Variants in KCNMB2 observed in about 807,000 individuals in gnomAD.
KCNMB2 encodes potassium calcium-activated channel subfamily M regulatory beta subunit 2.
Under a neutral mutation model 24.5 loss-of-function variants are expected in KCNMB2, and 9 were observed. That is an observed-to-expected ratio of 0.37 (90% confidence interval 0.22 to 0.64). The LOEUF is 0.64. Among genes scored for constraint, KCNMB2 ranks in the 30% least tolerant of loss-of-function variants. The probability of loss-of-function intolerance (pLI) is 0.63; values close to 1 mark genes in which losing one functional copy is unlikely to be tolerated. For missense variants in KCNMB2, 226 were observed against 284.3 expected, an observed-to-expected ratio of 0.79 and a Z score of 1.47; for synonymous variants, 109 against 104.4, an observed-to-expected ratio of 1.04 and a Z score of -0.27.
chr3:178,817,207 T>G (rs897770161), intron 2 of KCNMB2, among the ~76,000 whole-genome samples: 2 of 102,554 alleles, frequency 2.0e-5, no homozygotes, highest in Non-Finnish European at 3.8e-5. Flanking sequence ...AAATCCTTCA[T>G]GTTAATGACA....
At chr3:178,590,015 A>C (rs1577032361) in intron 1 of KCNMB2, among the ~76,000 whole-genome samples, 1 of 152,200 alleles carries the variant, frequency 6.6e-6, no homozygotes, top group Non-Finnish European at 1.5e-5. Context: ...ATCAAGTCAG[A>C]TCTATATCCA....
At chr3:178,587,786 G>T (rs1024881676) in intron 1 of KCNMB2, among the ~76,000 whole-genome samples, 3 of 150,528 alleles carry the variant, frequency 2.0e-5, no homozygotes, top group African/African-American at 7.3e-5. Context: ...TGTGCACAAC[G>T]TGCAGGTTTG....
chr3:178,544,579 C>A (rs563271233), intron 1 of KCNMB2, among the ~76,000 whole-genome samples: 1 of 152,252 alleles, frequency 6.6e-6, no homozygotes, highest in East Asian at 1.9e-4. Context: ...AGAGAAGATA[C>A]TTATAATACT....
At chr3:178,703,517 A>C (rs1008759032) in intron 1 of KCNMB2, among the ~76,000 whole-genome samples, 9 of 70,332 alleles carry the variant, frequency 1.3e-4, no homozygotes, top group East Asian at 7.5e-4. Flanking sequence ...CCACCCCCCC[A>C]AAAAAAGTAG....
intron 1 of KCNMB2, among the ~76,000 whole-genome samples, chr3:178,562,751 A>C (rs536743542): frequency 6.6e-6 from 1 of 152,304 alleles, no homozygotes; most frequent in African/African-American, 2.4e-5. Context: ...CCTCGATCAG[A>C]ATGTGACTGG....
At chr3:178,541,864 C>T (rs1715629684) in intron 1 of KCNMB2, among the ~76,000 whole-genome samples, 1 of 152,074 alleles carries the variant, frequency 6.6e-6, no homozygotes, top group Non-Finnish European at 1.5e-5. Context: ...TTTCGATTAC[C>T]TACTACACCC....
chr3:178,766,265 C>T (rs1417100330), intron 1 of KCNMB2, among the ~76,000 whole-genome samples: 1 of 152,122 alleles, frequency 6.6e-6, no homozygotes, highest in Non-Finnish European at 1.5e-5. Flanking sequence ...GCCATTATAG[C>T]GCCCTATACC....
At chr3:178,574,662 A>T (rs1250574447) in intron 1 of KCNMB2, among the ~76,000 whole-genome samples, 1 of 152,208 alleles carries the variant, frequency 6.6e-6, no homozygotes, top group Non-Finnish European at 1.5e-5. Context: ...GTCAGCTTTA[A>T]TCAGGGTGGA....
At chr3:178,801,026 G>C (rs754504483) in intron 1 of KCNMB2, among the ~76,000 whole-genome samples, 1 of 151,942 alleles carries the variant, frequency 6.6e-6, no homozygotes, top group South Asian at 2.1e-4. Flanking sequence ...CCAGAGGCTG[G>C]GAAGGAAAGT....
intron 2 of KCNMB2, among the ~76,000 whole-genome samples, chr3:178,821,614 T>C (rs1714628079): frequency 6.6e-6 from 1 of 152,182 alleles, no homozygotes; most frequent in Non-Finnish European, 1.5e-5. Context: ...GTGTGTACTA[T>C]AAATGTACAA....
intron 1 of KCNMB2, among the ~76,000 whole-genome samples, chr3:178,665,586 G>C (rs1190007269): frequency 1.3e-5 from 2 of 152,012 alleles, no homozygotes; most frequent in African/African-American, 4.8e-5. Flanking sequence ...TGCCTCTTTA[G>C]TTGTTTTCAA....
chr3:178,579,693 C>T (rs1344835616), intron 1 of KCNMB2, among the ~76,000 whole-genome samples: 2 of 152,138 alleles, frequency 1.3e-5, no homozygotes, highest in Non-Finnish European at 2.9e-5. Flanking sequence ...GGGGATATCA[C>T]CTCTTATACC....
Position 178,757,822 on chromosome 3 carries a change from TAC to T in KCNMB2, c.-67-49517_-67-49516del, listed in dbSNP as rs1217932017. ...ATATCCATCCAAGAGGATATATATA[TAC>T]ACATCCATCCAAGAGGATATATATA... On this transcript the variant is annotated intron_variant, in intron 1 of 4. Transcript: ENST00000452583. 3.1e-4 allele frequency among the ~76,000 whole-genome samples: 20 copies of T among 64,500 alleles called. 2 individuals are homozygous for T. Among genetic ancestry groups the T allele is most frequent in the Non-Finnish European group, 5.2e-4 (18 of 34,758 alleles). The allele number at this position is 64,500 out of a possible 152,430, so 42.3% of individuals were successfully genotyped here. A position where few individuals can be genotyped will look rare whatever the true frequency, so the allele number is the denominator to read the frequency against.
chr3:178,732,041 G>A (rs1273089672), intron 1 of KCNMB2, among the ~76,000 whole-genome samples: 1 of 152,096 alleles, frequency 6.6e-6, no homozygotes, highest in Non-Finnish European at 1.5e-5. Flanking sequence ...ATCTATTTCT[G>A]CAACCAAGGA....
At chr3:178,630,125 T>A (rs1240677948) in intron 1 of KCNMB2, among the ~76,000 whole-genome samples, 1 of 152,144 alleles carries the variant, frequency 6.6e-6, no homozygotes, top group Non-Finnish European at 1.5e-5. Flanking sequence ...GACCACAAAG[T>A]CCATTTCCCT....
intron 1 of KCNMB2, among the ~76,000 whole-genome samples, chr3:178,672,151 T>C (rs1720921724): frequency 6.6e-6 from 1 of 152,124 alleles, no homozygotes; most frequent in African/African-American, 2.4e-5. Context: ...AAGCATGAAG[T>C]TTTATTGCCT....
intron 1 of KCNMB2, among the ~76,000 whole-genome samples, chr3:178,643,402 C>T (rs1719797556): frequency 6.6e-6 from 1 of 152,076 alleles, no homozygotes; most frequent in Admixed American, 6.6e-5. Context: ...TATATACACA[C>T]ACATACATGC....
At chr3:178,575,151 A>T (rs1278436296) in intron 1 of KCNMB2, among the ~76,000 whole-genome samples, 2 of 152,194 alleles carry the variant, frequency 1.3e-5, no homozygotes, top group African/African-American at 4.8e-5. Flanking sequence ...GAGAAAATAA[A>T]CAAGATAAAT....
intron 1 of KCNMB2, among the ~76,000 whole-genome samples, chr3:178,725,261 T>C (rs1722930949): frequency 6.6e-6 from 1 of 152,000 alleles, no homozygotes; most frequent in Non-Finnish European, 1.5e-5. Context: ...CAGGTATTTG[T>C]ATGTGTGTGT....
Sources: gnomAD v4.1 joint callset for allele counts (sites outside exome capture counted in the v4.1 genomes callset) on GRCh38, gnomAD v4.1.1 for gene constraint, MANE v1.5 for transcripts, NCBI Gene and HGNC (gene_info 2026-07-23, HGNC 2026-07-21) for gene names.